Variants in CSMD1 observed in about 807,000 individuals in gnomAD.
CSMD1 encodes CUB and sushi domain-containing protein 1.
Under a neutral mutation model 417.5 loss-of-function variants are expected in CSMD1, and 213 were observed. That is an observed-to-expected ratio of 0.51 (90% confidence interval 0.46 to 0.57). The LOEUF is 0.57. CSMD1 is among the 20% of genes least tolerant of loss of function. The pLI is 0.00. For synonymous variants in CSMD1, 2,862 were observed against 1,736.8 expected (o/e 1.65, Z -16.11); for missense variants, 6,923 against 4,529.7 (o/e 1.53, Z -15.17).
intron 1 of CSMD1, among the ~76,000 whole-genome samples, chr8:4,720,768 T>C (rs562254531): frequency 3.5e-4 from 54 of 152,306 alleles, no homozygotes; most frequent in East Asian, 9.7e-4. Flanking sequence ...TGAAAAATCA[T>C]CTTGGTCCAT....
intron 6 of CSMD1, among the ~76,000 whole-genome samples, chr8:3,753,657 A>T (rs1797484712): frequency 6.6e-6 from 1 of 152,242 alleles, no homozygotes. Flanking sequence ...CATAATAATT[A>T]AAATCAATGA....
At position 4,455,719 on chromosome 8, in the gene CSMD1, T is replaced by A. The variant is rs181239489; in HGVS notation, c.303-35654A>T. 2.2e-4 allele frequency among the ~76,000 whole-genome samples: 34 copies of A among 151,552 alleles called. No individual in the cohort carries two copies. In the East Asian group the frequency reaches 4.7e-3, roughly 21 times the overall value. ...GCCGAAGCGGGTCGATCACCTGAGG[T>A]CAGGAGTTCAAGACCAGCCTGGCCA... On this transcript the variant is annotated intron_variant, in intron 2 of 69. Transcript: ENST00000635120.
chr8:4,206,043 A>G (rs1190472382), intron 3 of CSMD1, among the ~76,000 whole-genome samples: 2 of 152,068 alleles, frequency 1.3e-5, no homozygotes, highest in Non-Finnish European at 2.9e-5. Flanking sequence ...TCCATGCCAT[A>G]AATCTTCCCT....
At chr8:3,959,856 T>C (rs1237620424) in intron 5 of CSMD1, among the ~76,000 whole-genome samples, 2 of 152,202 alleles carry the variant, frequency 1.3e-5, no homozygotes, top group South Asian at 2.1e-4. Flanking sequence ...ACTTTCTATA[T>C]TGTGAGGTAT....
chr8:4,727,109 G>A (rs1448746039), intron 1 of CSMD1, among the ~76,000 whole-genome samples: 2 of 152,068 alleles, frequency 1.3e-5, no homozygotes, highest in Non-Finnish European at 2.9e-5. Flanking sequence ...GGAAGCTGAG[G>A]CCCTTCTGCA....
rs750312654 is a variant in CSMD1, at chr8:3,511,763, ATAACATAACATAACATAACATAAC to A, written c.1345-18061_1345-18038del. The stretch of plus-strand genomic sequence containing the variant: ...AGAGTGAGACTCCATCTCTAAAAAA[ATAACATAACATAACATAACATAAC>A]ATAACATAACATAACATAACATAAC... On this transcript the variant is annotated intron_variant, in intron 10 of 69. Transcript: ENST00000635120. 2.8e-3 allele frequency among the ~76,000 whole-genome samples: 229 copies of A among 81,414 alleles called. 2 individuals carry two copies. Among genetic ancestry groups the A allele is most frequent in the African/African-American group, 9.9e-3 (202 of 20,312 alleles). The allele number at this position is 81,414 out of a possible 152,430, so 53.4% of individuals were successfully genotyped here.
At chr8:3,410,916 A>G (rs149649253) in intron 12 of CSMD1, among the ~76,000 whole-genome samples, 1 of 152,234 alleles carries the variant, frequency 6.6e-6, no homozygotes, top group Non-Finnish European at 1.5e-5. Flanking sequence ...AGAGGGGTAT[A>G]GAGAGATGGA....
chr8:4,714,923 T>C (rs560599774), intron 1 of CSMD1, among the ~76,000 whole-genome samples: 11 of 152,314 alleles, frequency 7.2e-5, no homozygotes, highest in South Asian at 2.1e-4. Flanking sequence ...ATAGCAGACT[T>C]TTTGGAAGGT....
At chr8:4,604,498 T>C (rs1800767479) in intron 2 of CSMD1, among the ~76,000 whole-genome samples, 1 of 152,006 alleles carries the variant, frequency 6.6e-6, no homozygotes, top group Non-Finnish European at 1.5e-5. Flanking sequence ...CTCGTGGTCA[T>C]TAGCTTCTGA....
intron 26 of CSMD1, among the ~76,000 whole-genome samples, chr8:3,255,949 C>T (rs1051465587): frequency 6.6e-6 from 1 of 152,206 alleles, no homozygotes; most frequent in Non-Finnish European, 1.5e-5. Context: ...CACCCATCTT[C>T]TGCATCGTTC....
chr8:4,247,627 T>G (rs1194915305), intron 3 of CSMD1, among the ~76,000 whole-genome samples: 2 of 152,256 alleles, frequency 1.3e-5, no homozygotes, highest in African/African-American at 4.8e-5. Context: ...AGAGCAGAGG[T>G]AGATTTCAAG....
At chr8:4,496,563 G>A (rs1801988628) in intron 2 of CSMD1, among the ~76,000 whole-genome samples, 1 of 152,066 alleles carries the variant, frequency 6.6e-6, no homozygotes, top group South Asian at 2.1e-4. Context: ...ACTTCGCCTC[G>A]CCTCCTGCCT....
At chr8:3,828,566 G>A (rs901755586) in intron 5 of CSMD1, among the ~76,000 whole-genome samples, 3 of 151,884 alleles carry the variant, frequency 2.0e-5, no homozygotes, top group East Asian at 1.9e-4. Context: ...AGAACTTGTC[G>A]TATTGACTCT....
At chr8:4,350,658 T>C (rs553976947) in intron 3 of CSMD1, among the ~76,000 whole-genome samples, 99 of 152,284 alleles carry the variant, frequency 6.5e-4, no homozygotes, top group Non-Finnish European at 5.6e-4. Context: ...CTCATGAAAT[T>C]TACTAGAACA....
intron 2 of CSMD1, among the ~76,000 whole-genome samples, chr8:4,455,134 G>C (rs1166012731): frequency 1.3e-5 from 2 of 152,130 alleles, no homozygotes; most frequent in South Asian, 2.1e-4. Context: ...ATATCAAAGA[G>C]GATTTGGACA....
chr8:4,837,645 T>G lies in CSMD1; in HGVS notation c.85+156687A>C, dbSNP rs1235207384. ...TAGGGAGTTGCTGGGGAGGTAGGGA[T>G]AGTTAACAGGTACAAAAAAAAGTTA... On this transcript the variant is annotated intron_variant, in intron 1 of 69. Coordinates refer to ENST00000635120, the MANE Select transcript of CSMD1 (RefSeq NM_033225.6). Among the ~76,000 whole-genome samples, 4 of 152,124 alleles carry G rather than the reference T, an allele frequency of 2.6e-5. No individual in the cohort carries two copies. In the East Asian group the frequency reaches 7.7e-4, roughly 29 times the overall value.
At chr8:3,594,485 G>C (rs1243726177) in intron 8 of CSMD1, among the ~76,000 whole-genome samples, 2 of 152,044 alleles carry the variant, frequency 1.3e-5, no homozygotes, top group East Asian at 1.9e-4. Context: ...TGGTAACAAA[G>C]CTGAGGTTTG....
At chr8:3,849,303 C>A (rs1391080613) in intron 5 of CSMD1, among the ~76,000 whole-genome samples, 1 of 152,038 alleles carries the variant, frequency 6.6e-6, no homozygotes, top group African/African-American at 2.4e-5. Context: ...ACAGGGCGGA[C>A]TGGGAAGGAA....
At chr8:4,299,778 G>C (rs572724065) in intron 3 of CSMD1, among the ~76,000 whole-genome samples, 3 of 151,838 alleles carry the variant, frequency 2.0e-5, no homozygotes, top group Non-Finnish European at 4.4e-5. Context: ...TTACAGGTAC[G>C]TGCCACCACG....
Sources: gnomAD v4.1 joint callset for allele counts (sites outside exome capture counted in the v4.1 genomes callset) on GRCh38, gnomAD v4.1.1 for gene constraint, MANE v1.5 for transcripts, NCBI Gene and HGNC (gene_info 2026-07-23, HGNC 2026-07-21) for gene names.